The following LDLRAD4 variants were observed in gnomAD, a reference collection of about 807,000 sequenced individuals.
LDLRAD4 encodes the protein low-density lipoprotein receptor class A domain-containing protein 4.
In LDLRAD4, 5 loss-of-function variants were observed where a neutral mutation model predicts 17.0. That is an observed-to-expected ratio of 0.29 (90% CI 0.15 to 0.62). LDLRAD4 has a LOEUF of 0.62. Ranked by LOEUF, LDLRAD4 falls within the 20% of genes least tolerant of loss-of-function variation. The pLI, the probability that LDLRAD4 is intolerant of heterozygous loss-of-function variation, is 0.84. For synonymous variants in LDLRAD4, 168 were observed against 171.8 expected, an observed-to-expected ratio of 0.98 and a Z score of 0.17; for missense variants, 340 against 424.7, an observed-to-expected ratio of 0.80 and a Z score of 1.75.
rs981261752 is a variant in LDLRAD4, at chr18:13,645,046, C to T, written c.391-81C>T. ...CAAACTGGTAGGAACACACACCAAG[C>T]GTAACTTTCCTTGATTCTGACACAT... is the stretch of plus-strand genomic sequence containing the variant. On this transcript the variant is annotated intron_variant, in intron 5 of 5. Coordinates refer to ENST00000359446, the Ensembl canonical transcript of LDLRAD4. The surrounding 1 kb of genome is among the most constrained non-coding windows in gnomAD (Gnocchi z 5.7). The T allele has an allele frequency of 2.4e-5, 29 of 1,189,596 alleles. No individual in the cohort carries two copies. Among genetic ancestry groups the T allele is most frequent in the Non-Finnish European group, 3.2e-5 (27 of 843,160 alleles). 73.7% of individuals were successfully genotyped at this position (1,189,596 alleles called of 1,614,324 possible).
intron 3 of LDLRAD4, among the ~76,000 whole-genome samples, chr18:13,530,753 G>A (rs2094114344): frequency 1.3e-5 from 2 of 152,164 alleles, no homozygotes; most frequent in African/African-American, 4.8e-5. Context: ...TGGACCCCCA[G>A]AGTGAGAGCT....
chr18:13,496,131 G>T (rs564496608), intron 3 of LDLRAD4, among the ~76,000 whole-genome samples: 2 of 152,224 alleles, frequency 1.3e-5, no homozygotes, highest in Non-Finnish European at 2.9e-5. Flanking sequence ...GTACCAGTGA[G>T]GGCACAGGAG....
chr18:13,496,890 T>A (rs1272391728), intron 3 of LDLRAD4, among the ~76,000 whole-genome samples: 1 of 152,216 alleles, frequency 6.6e-6, no homozygotes, highest in Non-Finnish European at 1.5e-5. Context: ...GGCACCCCAG[T>A]GGACTTGAAG....
intron 3 of LDLRAD4, among the ~76,000 whole-genome samples, chr18:13,539,297 T>A (rs1468538232): frequency 6.6e-6 from 1 of 152,218 alleles, no homozygotes; most frequent in African/African-American, 2.4e-5. Context: ...GTGTGCTTGT[T>A]TGAACACCAG....
At chr18:13,334,825 C>T (rs1023345988) in intron 1 of LDLRAD4, among the ~76,000 whole-genome samples, 1 of 152,098 alleles carries the variant, frequency 6.6e-6, no homozygotes, top group Non-Finnish European at 1.5e-5. Flanking sequence ...ATGATATTAG[C>T]TGGTTTTTTG....
intron 2 of LDLRAD4, among the ~76,000 whole-genome samples, chr18:13,417,897 T>C (rs1489194259): frequency 1.3e-5 from 2 of 152,154 alleles, no homozygotes; most frequent in Non-Finnish European, 2.9e-5. Flanking sequence ...TTCTTTGCTA[T>C]ATACATTTTG....
At chr18:13,453,754 C>T (rs1047108674) in intron 3 of LDLRAD4, among the ~76,000 whole-genome samples, 18 of 152,324 alleles carry the variant, frequency 1.2e-4, no homozygotes, top group African/African-American at 4.1e-4. Flanking sequence ...GCAGGGCGCC[C>T]GGTGCTCCAC....
At chr18:13,430,894 T>A (rs1209901288) in intron 2 of LDLRAD4, among the ~76,000 whole-genome samples, 4 of 152,092 alleles carry the variant, frequency 2.6e-5, no homozygotes, top group African/African-American at 9.7e-5. Context: ...TGCCACTCCA[T>A]GCTGATGGAG....
At chr18:13,313,254 G>T (rs1412650960) in intron 1 of LDLRAD4, among the ~76,000 whole-genome samples, 1 of 152,172 alleles carries the variant, frequency 6.6e-6, no homozygotes, top group Non-Finnish European at 1.5e-5. Flanking sequence ...CGTTGTGCAC[G>T]TGACCTATGC....
exon 6 of LDLRAD4, chr18:13,650,245 T>TTTGCTGC (rs1464503357): frequency 5.2e-6 from 2 of 387,090 alleles, no homozygotes; most frequent in Non-Finnish European, 4.5e-6. Flanking sequence ...CAGACAGTCA[T>TTTGCTGC]TTGCTGCTGC....
At chr18:13,555,448 T>C (rs1215633294) in intron 3 of LDLRAD4, among the ~76,000 whole-genome samples, 1 of 152,172 alleles carries the variant, frequency 6.6e-6, no homozygotes, top group African/African-American at 2.4e-5. Context: ...TTTTTCTCTT[T>C]GTAGAAATGA....
At chr18:13,520,929 T>C (rs1034989279) in intron 3 of LDLRAD4, 1 of 152,186 alleles carries the variant, frequency 6.6e-6, no homozygotes, top group African/African-American at 2.4e-5. Context: ...GCAAGGGATG[T>C]TGCTGTTGGA....
chr18:13,280,649 T>C (rs895908835), intron 1 of LDLRAD4, among the ~76,000 whole-genome samples: 5 of 152,224 alleles, frequency 3.3e-5, no homozygotes, highest in Admixed American at 6.5e-5. Context: ...TCAGGCTCCC[T>C]GCACCATTCC....
intron 3 of LDLRAD4, among the ~76,000 whole-genome samples, chr18:13,497,849 C>T (rs114984920): frequency 0.019 from 2,838 of 152,000 alleles, 94 homozygotes; most frequent in African/African-American, 0.065. Context: ...CACGTCCCGC[C>T]GTGGACACTG....
intron 1 of LDLRAD4, among the ~76,000 whole-genome samples, chr18:13,298,415 TCCAG>T (rs2146525378): frequency 6.8e-6 from 1 of 146,350 alleles, no homozygotes; most frequent in Admixed American, 6.8e-5. Context: ...ATGGAGCTGC[TCCAG>T]GTATGGTGAT....
At chr18:13,641,881 C>A in intron 4 of LDLRAD4, 1 of 985,496 alleles carries the variant, frequency 1.0e-6, no homozygotes, top group South Asian at 4.7e-5. Flanking sequence ...ACCGCTCAGC[C>A]CCTCTGAGTG....
At chr18:13,637,326 C>G (rs1785121) in intron 4 of LDLRAD4, among the ~76,000 whole-genome samples, 28,652 of 151,704 alleles carry the variant, frequency 0.19, 3,736 homozygotes, top group East Asian at 0.53. Flanking sequence ...CTGTGTAGCA[C>G]CTGGGGTTCT....
At chr18:13,371,783 AAG>A (rs1225198462) in intron 1 of LDLRAD4, among the ~76,000 whole-genome samples, 1 of 151,906 alleles carries the variant, frequency 6.6e-6, no homozygotes, top group African/African-American at 2.4e-5. Context: ...GAGAGAGAGA[AAG>A]AGAGAGAGAA....
chr18:13,391,102 C>T (rs2086242177), intron 2 of LDLRAD4, among the ~76,000 whole-genome samples: 1 of 152,180 alleles, frequency 6.6e-6, no homozygotes, highest in Non-Finnish European at 1.5e-5. Context: ...TGCTGATTCT[C>T]TGGGCTAATA....
Sources: allele counts gnomAD v4.1 joint callset (sites outside exome capture counted in the v4.1 genomes callset), GRCh38; gene constraint gnomAD v4.1.1; non-coding constraint Gnocchi (gnomAD v3.1); transcripts MANE v1.5; gene names NCBI Gene and HGNC (gene_info 2026-07-23, HGNC 2026-07-21).